The following FGD5 variants were observed in gnomAD, a reference collection of about 807,000 sequenced individuals.
The protein encoded by FGD5 is FYVE, RhoGEF and PH domain containing 5.
FGD5 carries 28 observed loss-of-function variants against 133.4 expected under a neutral mutation model. The ratio of observed to expected loss-of-function variants is 0.21; its 90% CI spans 0.16 to 0.29. The LOEUF (loss-of-function observed/expected upper bound fraction) is 0.29. Ranked by LOEUF, FGD5 falls within the 10% of genes least tolerant of loss-of-function variation. The probability of loss-of-function intolerance (pLI) is 1.00; values close to 1 mark genes in which losing one functional copy is unlikely to be tolerated. For missense variants in FGD5, 1,858 were observed against 1,895.2 expected (o/e 0.98, Z 0.36); for synonymous variants, 810 against 776.5 (o/e 1.04, Z -0.72).
intron 11 of FGD5, among the ~76,000 whole-genome samples, chr3:14,913,492 ATGCAGACCCCAGC>A (rs2125146860): frequency 6.6e-6 from 1 of 152,298 alleles, no homozygotes; most frequent in East Asian, 1.9e-4. Context: ...CAGACCCCAG[ATGCAGACCCCAGC>A]TCTGACAGCT....
intron 18 of FGD5, 69 bp from the exon 19 acceptor site, chr3:14,932,508 T>C (rs1377668736): frequency 1.3e-6 from 2 of 1,510,664 alleles, no homozygotes; most frequent in African/African-American, 2.8e-5. Context: ...CATCTCAGAT[T>C]GGAGATAACA....
chr3:14,911,936 A>G (rs146994962), intron 11 of FGD5, among the ~76,000 whole-genome samples: 2,035 of 151,798 alleles, frequency 0.013, 31 homozygotes, highest in Admixed American at 0.028. Context: ...ATTCTACCCG[A>G]GTTCAGCCCT....
rs2038918510 is a variant in FGD5 at position 14,932,633 on chromosome 3, G to A, written c.4254G>A (p.Lys1418=). 2 of 1,614,034 alleles carry A rather than the reference G, an allele frequency of 1.2e-6. No individual in the cohort carries two copies. The highest frequency in any genetic ancestry group is 1.1e-5 in the South Asian group (1 of 91,088). ...TAGGCTTCACCATTGCTCCAGAAAA[G>A]GAAGAGGGCAGCAGTGAAGTAGGAC... ...PLLGFTIAPE[K]EEGSSEVGPI... The change falls in exon 19 of 20, where the codon AAG becomes AAA. Residue 1418 remains lysine (K), a synonymous_variant. Coordinates refer to ENST00000285046, the MANE Select transcript of FGD5 (RefSeq NM_152536.4).
In FGD5 at chr3:14,836,319, C is replaced by A. The variant is rs1221344682; in HGVS notation, c.2525+14723C>A. Among the ~76,000 whole-genome samples the A allele has an allele frequency of 3.9e-5, 6 of 152,214 alleles. 1 individual carries two copies. On this transcript the variant is annotated intron_variant, in intron 1 of 19. Transcript: ENST00000285046. ...TTTCCAGGGAGGTCCCTGGTTCAAG[C>A]CCAAGTTTGCTTGCCGGCTGGAGGC... is the stretch of plus-strand genomic sequence containing the variant.
At chr3:14,863,004 T>C (rs1490617) in intron 1 of FGD5, among the ~76,000 whole-genome samples, 14,192 of 152,118 alleles carry the variant, frequency 0.093, 833 homozygotes, top group East Asian at 0.3. Context: ...AGCTATTCCC[T>C]AAGGCTGTTT....
chr3:14,899,760 AAAAT>A (rs1358459371), intron 7 of FGD5, among the ~76,000 whole-genome samples: 1 of 152,232 alleles, frequency 6.6e-6, no homozygotes, highest in African/African-American at 2.4e-5. Flanking sequence ...ACTCTTAAGA[AAAAT>A]AAAGCAAGTT....
chr3:14,902,855 T>G (rs1231203196), intron 9 of FGD5, among the ~76,000 whole-genome samples: 2 of 152,130 alleles, frequency 1.3e-5, no homozygotes, highest in Non-Finnish European at 2.9e-5. Context: ...ACATCTTCCC[T>G]CCTACGGGGA....
At chr3:14,815,809 A>G (rs1202169635), upstream of FGD5, among the ~76,000 whole-genome samples, 3 of 152,198 alleles carry the variant, frequency 2.0e-5, no homozygotes, top group African/African-American at 4.8e-5. Flanking sequence ...GCAGAGGGTC[A>G]GGTGACAACA....
chr3:14,900,336 C>G, intron 7 of FGD5, 67 bp from the exon 8 acceptor site: 1 of 1,536,030 alleles, frequency 6.5e-7, no homozygotes. Context: ...GAGGGGGTGG[C>G]CACAGTTGTG....
At chr3:14,900,362 C>T in intron 7 of FGD5, 41 bp from the exon 8 acceptor site, 2 of 1,605,490 alleles carry the variant, frequency 1.2e-6, no homozygotes, top group African/African-American at 1.3e-5. Flanking sequence ...GAGGGGCTGA[C>T]CTCACCAGTA....
intron 4 of FGD5, among the ~76,000 whole-genome samples, chr3:14,889,308 A>G (rs892341737): frequency 1.3e-5 from 2 of 152,092 alleles, no homozygotes; most frequent in Admixed American, 1.3e-4. Flanking sequence ...CTGTCACATG[A>G]GAGTGGTTTA....
At chr3:14,827,666 A>C (rs972268537) in intron 1 of FGD5, among the ~76,000 whole-genome samples, 198 of 152,186 alleles carry the variant, frequency 1.3e-3, no homozygotes, top group African/African-American at 4.4e-3. Context: ...CTCTGTTGGC[A>C]ACTCATCAAT....
chr3:14,860,591 A>C (rs910793737), intron 1 of FGD5, among the ~76,000 whole-genome samples: 2 of 152,220 alleles, frequency 1.3e-5, no homozygotes, highest in Admixed American at 1.3e-4. Context: ...AACCAGGTTC[A>C]TCTGTGAGGT....
At chr3:14,899,617 C>G (rs951141067) in intron 7 of FGD5, among the ~76,000 whole-genome samples, 1 of 152,208 alleles carries the variant, frequency 6.6e-6, no homozygotes, top group African/African-American at 2.4e-5. Context: ...ATTTATTGAG[C>G]ACCTACTATG....
intron 4 of FGD5, among the ~76,000 whole-genome samples, chr3:14,887,336 A>C (rs1233282903): frequency 6.6e-6 from 1 of 152,054 alleles, no homozygotes; most frequent in Non-Finnish European, 1.5e-5. Context: ...TGAATGAGTG[A>C]TGGTGGAGCA....
intron 10 of FGD5, 43 bp downstream of exon 10, chr3:14,907,754 G>C: frequency 6.3e-7 from 1 of 1,592,188 alleles, no homozygotes; most frequent in Non-Finnish European, 8.6e-7. Flanking sequence ...GTGGCTGGGC[G>C]AGGCTCCGAT....
intron 13 of FGD5, among the ~76,000 whole-genome samples, chr3:14,919,542 G>C (rs952388020): frequency 6.6e-6 from 1 of 152,172 alleles, no homozygotes; most frequent in Non-Finnish European, 1.5e-5. Context: ...GGCGTGAACC[G>C]GGGAGGTGGA....
intron 1 of FGD5, among the ~76,000 whole-genome samples, chr3:14,854,389 T>TTTTTTTTTA (rs1215206630): frequency 7.3e-6 from 1 of 137,560 alleles, no homozygotes; most frequent in Non-Finnish European, 1.6e-5. Context: ...TTTCTTTTCT[T>TTTTTTTTTA]TTTATTTATT....
At position 14,923,100 on chromosome 3, in the gene FGD5, A is replaced by T; in HGVS notation, c.3862A>T (p.Arg1288Trp). The T allele has an allele frequency of 6.2e-7, 1 of 1,613,932 alleles. No homozygotes were observed. The highest frequency in any genetic ancestry group is 8.5e-7 in the Non-Finnish European group (1 of 1,179,866). Residue 1288 changes from arginine (R) to tryptophan (W), a missense_variant, in exon 16 of 20, where the codon AGG (arginine) becomes TGG (tryptophan). This residue lies in a region of FGD5 where 1,824 missense variants were observed against 1,848.9 expected (regional missense o/e 0.99). Coordinates refer to ENST00000285046, the MANE Select transcript of FGD5 (RefSeq NM_152536.4). ...NKYPLKYLKD[R>W]MAKVCDGCFG... ...GTACCCGCTGAAGTACCTGAAGGAC[A>T]GGATGGCCAAGGTCTGCGACGGCTG...
Sources: allele counts gnomAD v4.1 joint callset (sites outside exome capture counted in the v4.1 genomes callset), GRCh38; gene constraint gnomAD v4.1.1; regional missense constraint gnomAD v4.1.1; transcripts MANE v1.5; gene names NCBI Gene and HGNC (gene_info 2026-07-23, HGNC 2026-07-21).